The following COL15A1 variants were observed in gnomAD, a reference collection of about 807,000 sequenced individuals.
COL15A1 encodes collagen type XV alpha 1 chain.
COL15A1 carries 111 observed loss-of-function variants against 165.9 expected under a neutral mutation model. The observed-to-expected ratio is 0.67, with a 90% CI of 0.57 to 0.78. The LOEUF is 0.78. COL15A1 is among the 30% of genes least tolerant of loss of function. The pLI is 0.00. For missense variants in COL15A1, 1,745 were observed against 1,789.7 expected (o/e 0.98, Z 0.45); for synonymous variants, 659 against 674.8 (o/e 0.98, Z 0.36).
At chr9:99,020,633 T>A (rs1839010662) in intron 12 of COL15A1, among the ~76,000 whole-genome samples, 191 bp downstream of exon 12, 1 of 152,220 alleles carries the variant, frequency 6.6e-6, no homozygotes, top group African/African-American at 2.4e-5. Context: ...TGACTGAGTC[T>A]CTTCTCACCA....
intron 2 of COL15A1, among the ~76,000 whole-genome samples, chr9:98,968,379 T>A (rs188097933): frequency 1.5e-4 from 23 of 152,228 alleles, no homozygotes; most frequent in Middle Eastern, 3.4e-3. Flanking sequence ...AGTGGAGGTG[T>A]GTGGGCTGGG....
chr9:99,069,573 G>A, intron 41 of COL15A1, 100 bp from the exon 42 acceptor site: 61 of 1,437,784 alleles, frequency 4.2e-5, no homozygotes, highest in Non-Finnish European at 5.7e-5. Flanking sequence ...CAGGGTTAAG[G>A]AGTTTAACTT....
chr9:98,966,527 C>G (rs1334730825), intron 2 of COL15A1, among the ~76,000 whole-genome samples: 1 of 152,216 alleles, frequency 6.6e-6, no homozygotes, highest in Non-Finnish European at 1.5e-5. Context: ...CTCAAGGACC[C>G]TAACAGTATA....
intron 16 of COL15A1, among the ~76,000 whole-genome samples, chr9:99,029,812 C>A (rs1389012216): frequency 1.3e-5 from 2 of 152,046 alleles, no homozygotes; most frequent in Admixed American, 1.3e-4. Context: ...GTAATCCCAG[C>A]TACTCGGGAG....
intron 36 of COL15A1, among the ~76,000 whole-genome samples, chr9:99,060,429 ATTTTTTTT>A (rs36003230): frequency 7.7e-6 from 1 of 129,604 alleles, no homozygotes; most frequent in Non-Finnish European, 1.6e-5. Flanking sequence ...CACCTGGCTA[ATTTTTTTT>A]TTTTTTTTTT....
chr9:98,989,012 C>T (rs1395198950), intron 4 of COL15A1, among the ~76,000 whole-genome samples, 166 bp from the exon 5 acceptor site: 2 of 138,510 alleles, frequency 1.4e-5, no homozygotes, highest in African/African-American at 2.8e-5. Context: ...AACCCCACTC[C>T]GTCTCTCATA....
rs34898506 is a variant in COL15A1 at position 99,036,363 on chromosome 9, A to G, written c.2376A>G (p.Arg792=). Residue 792 remains arginine (R), a synonymous_variant, in exon 21 of 42, where the codon AGA becomes AGG. Transcript: ENST00000375001. ...GASIVGPPGP[R]GPPGHIKVLS... is the part of the protein sequence containing the mutation. ...GTATTGTGGGACCCCCTGGGCCGAG[A>G]GGGCCACCTGGGCACATCAAGGTCT... The G allele has an allele frequency of 2.3e-4, 369 of 1,614,184 alleles. 2 individuals are homozygous for G. The African/African-American group carries it at 4.1e-3, about 18-fold the overall frequency.
chr9:99,051,152 A>G (rs1028077146), intron 30 of COL15A1, among the ~76,000 whole-genome samples: 2 of 152,230 alleles, frequency 1.3e-5, no homozygotes, highest in African/African-American at 4.8e-5. Flanking sequence ...TCCAGGTCAC[A>G]CAGTGAGTCA....
intron 6 of COL15A1, chr9:98,997,883 G>A (rs1314858029): frequency 2.6e-5 from 4 of 152,214 alleles, no homozygotes; most frequent in African/African-American, 9.7e-5. Flanking sequence ...GAAGATGTAA[G>A]TACAAGATCA....
intron 11 of COL15A1, among the ~76,000 whole-genome samples, chr9:99,016,570 C>T (rs1013762002): frequency 6.6e-6 from 1 of 152,208 alleles, no homozygotes; most frequent in Non-Finnish European, 1.5e-5. Context: ...TCCGTTTCCT[C>T]ATCTGTGAAA....
intron 28 of COL15A1, 49 bp from the exon 29 acceptor site, chr9:99,049,641 C>T (rs1472711799): frequency 6.2e-7 from 1 of 1,607,656 alleles, no homozygotes; most frequent in South Asian, 1.1e-5. Context: ...GCTGCCCCTG[C>T]ATTCACAACA....
In COL15A1 at chr9:99,035,543, C is replaced by G. The variant is rs565259079; in HGVS notation, c.2289+125C>G. The G allele has an allele frequency of 1.9e-5, 22 of 1,140,208 alleles. No homozygotes were observed. In the East Asian group the frequency reaches 5.3e-4, roughly 28 times the overall value. The allele number at this position is 1,140,208 out of a possible 1,614,324, so 70.6% of individuals were successfully genotyped here. On this transcript the variant is annotated intron_variant, in intron 19 of 41. Transcript: ENST00000375001. ...TCACCTTCTCTGTGCCTCCAGCCCC[C>G]AACTGTGCAATAGGGAAATGAGATG... is the stretch of plus-strand genomic sequence containing the variant.
chr9:98,952,085 C>A (rs1256344610), intron 2 of COL15A1, among the ~76,000 whole-genome samples: 1 of 152,202 alleles, frequency 6.6e-6, no homozygotes, highest in Non-Finnish European at 1.5e-5. Context: ...AACTCTGAAT[C>A]CTGGAACAGG....
intron 11 of COL15A1, among the ~76,000 whole-genome samples, chr9:99,020,046 T>A (rs1173835945): frequency 6.6e-6 from 1 of 152,216 alleles, no homozygotes; most frequent in Non-Finnish European, 1.5e-5. Flanking sequence ...AACAAATATA[T>A]GGAGAATGTT....
rs200414003 is a variant in COL15A1, at chr9:99,015,532, C to T, written c.1469C>T (p.Thr490Ile). 1 of 1,613,924 alleles carries T rather than the reference C, an allele frequency of 6.2e-7. No homozygotes were observed. Among genetic ancestry groups the T allele is most frequent in the East Asian group, 2.2e-5 (1 of 44,892 alleles). ...GVPTDGLAPL[T>I]ATMAPERAVT... ...CCCACAGATGGCCTGGCTCCCCTCA[C>T]AGCCACCATGGCCCCTGAGCGGGCA... Residue 490 changes from threonine to isoleucine, a missense_variant, in exon 10 of 42, where the codon ACA becomes ATA. Transcript: ENST00000375001.
chr9:99,022,240 GC>G, intron 13 of COL15A1, 90 bp downstream of exon 13: 4 of 1,557,168 alleles, frequency 2.6e-6, no homozygotes, highest in Non-Finnish European at 3.5e-6. Flanking sequence ...CTCCTTTTTG[GC>G]CCCCAAAGTA....
intron 35 of COL15A1, among the ~76,000 whole-genome samples, chr9:99,057,728 A>G (rs529646044): frequency 1.2e-4 from 19 of 152,260 alleles, no homozygotes; most frequent in African/African-American, 4.6e-4. Context: ...TGTCCATTGG[A>G]GGAGACAATA....
intron 5 of COL15A1, among the ~76,000 whole-genome samples, chr9:98,996,269 A>G (rs1006058333): frequency 1.3e-4 from 20 of 152,318 alleles, no homozygotes; most frequent in Admixed American, 1.2e-3. Flanking sequence ...TGATGAGGCT[A>G]TCTGAATGCT....
At chr9:99,003,644 T>C in intron 8 of COL15A1, 57 bp downstream of exon 8, 1 of 1,441,858 alleles carries the variant, frequency 6.9e-7, no homozygotes, top group Non-Finnish European at 9.2e-7. Flanking sequence ...GTGGGTTGTG[T>C]TGGGTGGGAG....
Sources: gnomAD v4.1 joint callset for allele counts (sites outside exome capture counted in the v4.1 genomes callset) on GRCh38, gnomAD v4.1.1 for gene constraint, MANE v1.5 for transcripts, NCBI Gene and HGNC (gene_info 2026-07-23, HGNC 2026-07-21) for gene names.